Variants in PPP2R3A observed in about 807,000 individuals in gnomAD.
PPP2R3A encodes the protein protein phosphatase 2 regulatory subunit B''alpha.
In PPP2R3A, 80 loss-of-function variants were observed where a neutral mutation model predicts 106.9. The observed-to-expected ratio is 0.75, with a 90% CI of 0.62 to 0.90. The LOEUF (loss-of-function observed/expected upper bound fraction) is 0.90, where lower values mean the gene tolerates loss of function less well. Among genes scored for constraint, PPP2R3A ranks in the 40% least tolerant of loss-of-function variants. The pLI is 0.00. For missense variants in PPP2R3A, 1,386 were observed against 1,350.4 expected (o/e 1.03, Z -0.41); for synonymous variants, 483 against 468.3 (o/e 1.03, Z -0.41).
At chr3:135,988,953 T>C (rs1324299968) in intron 1 of PPP2R3A, among the ~76,000 whole-genome samples, 1 of 152,180 alleles carries the variant, frequency 6.6e-6, no homozygotes, top group Admixed American at 6.6e-5. Context: ...TCTAACGTGT[T>C]GAGATGGGAA....
At chr3:136,031,587 G>A (rs926306655) in intron 3 of PPP2R3A, among the ~76,000 whole-genome samples, 1 of 152,180 alleles carries the variant, frequency 6.6e-6, no homozygotes, top group African/African-American at 2.4e-5. Flanking sequence ...CTAAGCCAAT[G>A]TCTAGAAGGG....
At chr3:135,993,255 A>G (rs970119037) in intron 1 of PPP2R3A, among the ~76,000 whole-genome samples, 10 of 152,176 alleles carry the variant, frequency 6.6e-5, no homozygotes, top group African/African-American at 2.4e-4. Flanking sequence ...AAGATTCTGG[A>G]TAGACACTTC....
At chr3:136,080,869 ATGT>A (rs779836844) in intron 7 of PPP2R3A, among the ~76,000 whole-genome samples, 6 of 152,148 alleles carry the variant, frequency 3.9e-5, no homozygotes, top group East Asian at 3.8e-4. Flanking sequence ...ATAATAATTT[ATGT>A]TGTTGTTAGT....
chr3:135,998,761 A>T (rs1487963884), intron 1 of PPP2R3A, among the ~76,000 whole-genome samples: 1 of 152,242 alleles, frequency 6.6e-6, no homozygotes, highest in Non-Finnish European at 1.5e-5. Context: ...ATTTATTTAT[A>T]TGATAGAATG....
At chr3:136,018,367 C>T (rs1314819135) in intron 2 of PPP2R3A, among the ~76,000 whole-genome samples, 1 of 152,158 alleles carries the variant, frequency 6.6e-6, no homozygotes, top group African/African-American at 2.4e-5. Flanking sequence ...CTTCTTCAGA[C>T]AAATGTTCAA....
intron 13 of PPP2R3A, among the ~76,000 whole-genome samples, chr3:136,110,569 G>A (rs1311990836): frequency 6.6e-6 from 1 of 152,090 alleles, no homozygotes; most frequent in African/African-American, 2.4e-5. Flanking sequence ...ACAGGAGAAG[G>A]AATCAGCAAT....
At chr3:136,079,406 AT>A (rs199806582) in intron 7 of PPP2R3A, 9,048 of 156,900 alleles carry the variant, frequency 0.058, 110 homozygotes, top group South Asian at 0.12. Context: ...ATAATCCATA[AT>A]TTTTTTTTTT....
At chr3:136,026,290 A>G (rs1934652596) in intron 2 of PPP2R3A, among the ~76,000 whole-genome samples, 1 of 152,072 alleles carries the variant, frequency 6.6e-6, no homozygotes, top group South Asian at 2.1e-4. Context: ...AAATGCTTTA[A>G]TTTTCTTAAC....
In PPP2R3A at chr3:136,082,372, T is replaced by C. The variant is rs772800974; in HGVS notation, c.2739T>C (p.Asp913=). The change falls in exon 8 of 14, where the codon GAT becomes GAC. Residue 913 remains aspartate, a synonymous_variant. Coordinates refer to ENST00000264977, the MANE Select transcript of PPP2R3A (RefSeq NM_002718.5). ...IYCKFWELDT[D]HDLYISQADL... is the part of the protein sequence containing the mutation. ...GTAAATTCTGGGAACTAGATACTGA[T>C]CACGACCTCTACATCAGCCAGGCCG... 9.3e-6 allele frequency: 15 copies of C among 1,613,616 alleles called. No individual in the cohort carries two copies. Among genetic ancestry groups the C allele is most frequent in the African/African-American group, 2.7e-5 (2 of 74,896 alleles).
intron 1 of PPP2R3A, among the ~76,000 whole-genome samples, chr3:135,970,385 G>A (rs1419264168): frequency 1.3e-5 from 2 of 152,148 alleles, no homozygotes; most frequent in African/African-American, 2.4e-5. Context: ...ACAGGTGTGC[G>A]ATATTTAACG....
intron 4 of PPP2R3A, among the ~76,000 whole-genome samples, chr3:136,048,318 G>A (rs1935546688): frequency 6.6e-6 from 1 of 152,174 alleles, no homozygotes; most frequent in Non-Finnish European, 1.5e-5. Context: ...GGAATGGTAA[G>A]AGAAGGGGAC....
intron 1 of PPP2R3A, among the ~76,000 whole-genome samples, chr3:135,996,518 A>T (rs1269146378): frequency 2.0e-5 from 3 of 152,258 alleles, no homozygotes; most frequent in Admixed American, 2.0e-4. Context: ...AATCTAACAG[A>T]GTTAAAGCTT....
rs749581629 is a variant in PPP2R3A, at chr3:136,076,740, A to G, written c.2545-1627A>G. On this transcript the variant is annotated intron_variant, in intron 6 of 13. Coordinates refer to ENST00000264977, the MANE Select transcript of PPP2R3A (RefSeq NM_002718.5). The stretch of plus-strand genomic sequence containing the variant: ...GAGGCGGGTGGATCACAAGGTCAGG[A>G]GATGGAGACCATCCTGGCTAACACA... Among the ~76,000 whole-genome samples the G allele has an allele frequency of 5.6e-4, 85 of 152,240 alleles. 1 individual carries two copies. The highest frequency in any genetic ancestry group is 1.1e-3 in the Non-Finnish European group (73 of 68,014).
chr3:136,046,229 A>G (rs1264779298), intron 4 of PPP2R3A, among the ~76,000 whole-genome samples: 1 of 152,158 alleles, frequency 6.6e-6, no homozygotes, highest in African/African-American at 2.4e-5. Context: ...AGGCAGGTGG[A>G]TCACCTGAGG....
intron 13 of PPP2R3A, among the ~76,000 whole-genome samples, chr3:136,117,478 C>G (rs918976639): frequency 6.6e-6 from 1 of 152,000 alleles, no homozygotes; most frequent in African/African-American, 2.4e-5. Context: ...AAATAGACCT[C>G]TAGCCAGACT....
intron 13 of PPP2R3A, among the ~76,000 whole-genome samples, chr3:136,123,103 T>C (rs947597344): frequency 2.6e-5 from 4 of 152,102 alleles, no homozygotes; most frequent in Admixed American, 2.0e-4. Flanking sequence ...ATATAATTTA[T>C]CCCCCAAAAT....
rs373198744 is a variant in PPP2R3A, at chr3:136,032,814, G to A, written c.2262+5716G>A. 9.9e-5 allele frequency among the ~76,000 whole-genome samples: 15 copies of A among 152,274 alleles called. No individual in the cohort carries two copies. The South Asian group carries it at 1.2e-3, about 13-fold the overall frequency. On this transcript the variant is annotated intron_variant, in intron 3 of 13. Transcript: ENST00000264977. The stretch of plus-strand genomic sequence containing the variant: ...CTTCCAAAGTGCTGGGATTATAGGC[G>A]TGAGCCACCACACCCGGCCGACTTC...
chr3:136,056,938 C>T (rs951710987), intron 5 of PPP2R3A, among the ~76,000 whole-genome samples: 2 of 152,080 alleles, frequency 1.3e-5, no homozygotes, highest in African/African-American at 4.8e-5. Flanking sequence ...AAAAAATACT[C>T]AGCATCACTA....
rs138888067 is a variant in PPP2R3A at position 136,056,047 on chromosome 3, A to C, written c.2469+6686A>C. ...TGTACCTTTGGCAAGATATGGTGCAAAGGACATGTTACTTCTCTGGCCTTT... is the reference window on the plus strand; with the variant it reads ...TGTACCTTTGGCAAGATATGGTGCACAGGACATGTTACTTCTCTGGCCTTT... On this transcript the variant is annotated intron_variant, in intron 5 of 13. Transcript: ENST00000264977. Among the ~76,000 whole-genome samples the C allele has an allele frequency of 2.9e-4, 44 of 152,310 alleles. 1 individual carries two copies. The highest frequency in any genetic ancestry group is 1.7e-3 in the South Asian group (8 of 4,830).
Sources: allele counts gnomAD v4.1 joint callset (sites outside exome capture counted in the v4.1 genomes callset), GRCh38; gene constraint gnomAD v4.1.1; transcripts MANE v1.5; gene names NCBI Gene and HGNC (gene_info 2026-07-23, HGNC 2026-07-21).